MARCHF3: variants seen among roughly 807,000 people sequenced by gnomAD.
The protein encoded by MARCHF3 is E3 ubiquitin-protein ligase MARCHF3.
In MARCHF3, 13 loss-of-function variants were observed where a neutral mutation model predicts 24.2. The observed-to-expected ratio is 0.54, with a 90% confidence interval of 0.35 to 0.85. The LOEUF (loss-of-function observed/expected upper bound fraction) is 0.85. Among genes scored for constraint, MARCHF3 ranks in the 40% least tolerant of loss-of-function variants. The pLI is 0.01. For missense variants in MARCHF3, 276 were observed against 325.0 expected (o/e 0.85, Z 1.16); for synonymous variants, 144 against 137.3 (o/e 1.05, Z -0.34).
intron 4 of MARCHF3, among the ~76,000 whole-genome samples, chr5:126,872,276 T>A (rs1318556627): frequency 6.6e-6 from 1 of 151,706 alleles, no homozygotes; most frequent in Non-Finnish European, 1.5e-5. Context: ...GTCAGGCTGG[T>A]CTCGAACTCC....
intron 1 of MARCHF3, among the ~76,000 whole-genome samples, chr5:127,023,629 G>A (rs1217452990): frequency 1.3e-5 from 2 of 151,934 alleles, no homozygotes; most frequent in Non-Finnish European, 2.9e-5. Context: ...CTACTCGGAA[G>A]GCTGAGGCAG....
Position 126,915,022 on chromosome 5 carries a change from G to T in MARCHF3, c.301C>A (p.Leu101Met), listed in dbSNP as rs1367591951. ...TTTGAGGATGACAGCCAGTGCTCCAGGCAGCTCCGATGAATTGTCCCCAAG... is the reference window on the plus strand; with the variant it reads ...TTTGAGGATGACAGCCAGTGCTCCATGCAGCTCCGATGAATTGTCCCCAAG... ...GTLGTIHRSC[L>M]EHWLSSSNTS... Residue 101 changes from leucine (L) to methionine (M), a missense_variant, in exon 3 of 5, where the codon CTG becomes ATG. Physicochemically the swap from Leu to Met is conservative, Grantham distance 15. Coordinates refer to ENST00000308660, the MANE Select transcript of MARCHF3 (RefSeq NM_178450.5). 1 of 1,614,168 alleles carries T rather than the reference G, an allele frequency of 6.2e-7. No individual in the cohort carries two copies. Among genetic ancestry groups the T allele is most frequent in the Admixed American group, 1.7e-5 (1 of 60,030 alleles).
chr5:126,961,942 A>G (rs547687903), intron 1 of MARCHF3, among the ~76,000 whole-genome samples: 53 of 152,292 alleles, frequency 3.5e-4, no homozygotes, highest in African/African-American at 1.2e-3. Context: ...AACCCCAGTG[A>G]TACCACTACA....
chr5:127,011,912 G>A (rs1752486676), intron 1 of MARCHF3, among the ~76,000 whole-genome samples: 1 of 152,204 alleles, frequency 6.6e-6, no homozygotes, highest in African/African-American at 2.4e-5. Flanking sequence ...CTAACTGGGA[G>A]AGTGAGTTAT....
intron 1 of MARCHF3, among the ~76,000 whole-genome samples, chr5:126,942,513 G>A (rs1158197147): frequency 6.6e-6 from 1 of 151,896 alleles, no homozygotes; most frequent in Non-Finnish European, 1.5e-5. Context: ...CCCTACAGGA[G>A]TTGACCATCT....
At chr5:127,018,088 A>G (rs75654770) in intron 1 of MARCHF3, among the ~76,000 whole-genome samples, 4,743 of 152,318 alleles carry the variant, frequency 0.031, 233 homozygotes, top group African/African-American at 0.1. Flanking sequence ...TAAGATTGTG[A>G]AGCCACGTGC....
At position 126,869,925 on chromosome 5, in the gene MARCHF3, G is replaced by A. The variant is rs1008384194; in HGVS notation, c.*708C>T. 1 of 152,224 alleles carries A rather than the reference G, an allele frequency of 6.6e-6. No homozygotes were observed. Among genetic ancestry groups the A allele is most frequent in the Non-Finnish European group, 1.5e-5 (1 of 68,008 alleles). 9.4% of individuals were successfully genotyped at this position (152,224 alleles called of 1,614,324 possible). A position where few individuals can be genotyped will look rare whatever the true frequency, so the allele number is the denominator to read the frequency against. The stretch of plus-strand genomic sequence containing the variant: ...TCTATCAGCTGTCAGTACCAAACAA[G>A]TTGAAAGGAGCGAGCTTCTCACCAT... On this transcript the variant is annotated 3_prime_UTR_variant, in exon 5 of 5. Coordinates refer to ENST00000308660, the MANE Select transcript of MARCHF3 (RefSeq NM_178450.5).
At chr5:126,893,596 G>A (rs1390924769) in intron 3 of MARCHF3, among the ~76,000 whole-genome samples, 16 of 150,974 alleles carry the variant, frequency 1.1e-4, no homozygotes, top group African/African-American at 2.4e-4. Context: ...GTAGTTGAGC[G>A]GTTTTGAGTG....
intron 1 of MARCHF3, among the ~76,000 whole-genome samples, chr5:126,935,874 G>T (rs1045580319): frequency 1.3e-5 from 2 of 151,982 alleles, no homozygotes; most frequent in African/African-American, 4.8e-5. Flanking sequence ...GCCTCCCAAA[G>T]TGCTGGGATT....
chr5:126,909,080 G>A (rs1232076466), intron 3 of MARCHF3, among the ~76,000 whole-genome samples: 7 of 152,304 alleles, frequency 4.6e-5, no homozygotes, highest in South Asian at 2.1e-4. Context: ...GTACCCGGCC[G>A]TGTGAGGTGT....
At chr5:127,010,790 A>G (rs1752446500) in intron 1 of MARCHF3, among the ~76,000 whole-genome samples, 1 of 152,186 alleles carries the variant, frequency 6.6e-6, no homozygotes, top group African/African-American at 2.4e-5. Context: ...AGGACATTAT[A>G]CCAACTGTAA....
At chr5:126,933,447 T>C (rs1033852354) in intron 1 of MARCHF3, among the ~76,000 whole-genome samples, 2 of 145,888 alleles carry the variant, frequency 1.4e-5, no homozygotes, top group Admixed American at 1.4e-4. Context: ...TGGTATCTCT[T>C]TTTTTTTTTT....
rs757479478 is a variant in MARCHF3 at position 126,992,766 on chromosome 5, A to ATTTTT, written c.-57+37579_-57+37583dup. On this transcript the variant is annotated intron_variant, in intron 1 of 4. Transcript: ENST00000308660. ...TCTTCCTCTTTTTGACATCCACGTG[A>ATTTTT]TTTTTTTTTTTTTTTTTTTTTTTGA... Among the ~76,000 whole-genome samples, 902 of 95,482 alleles carry ATTTTT rather than the reference A, an allele frequency of 9.4e-3. 48 individuals carry two copies. Among genetic ancestry groups the ATTTTT allele is most frequent in the South Asian group, 0.073 (182 of 2,508 alleles). 62.6% of individuals were successfully genotyped at this position (95,482 alleles called of 152,430 possible). A position where few individuals can be genotyped will look rare whatever the true frequency, so the allele number is the denominator to read the frequency against.
At chr5:126,887,151 C>T (rs1480120624) in intron 3 of MARCHF3, among the ~76,000 whole-genome samples, 1 of 152,216 alleles carries the variant, frequency 6.6e-6, no homozygotes, top group Non-Finnish European at 1.5e-5. Flanking sequence ...CACCCTTAGC[C>T]TAACACCTTA....
chr5:126,904,125 C>T (rs959203691), intron 3 of MARCHF3, among the ~76,000 whole-genome samples: 48 of 150,240 alleles, frequency 3.2e-4, no homozygotes, highest in African/African-American at 1.1e-3. Flanking sequence ...CATCCACGTC[C>T]CTACAAAGGA....
chr5:126,973,592 G>A lies in MARCHF3; in HGVS notation c.-56-55365C>T, dbSNP rs1751092631. ...GCAGAGGGTGGCAGAGAGAATTTGG[G>A]GGCAATGATCCTCAACTCTCACATT... On this transcript the variant is annotated intron_variant, in intron 1 of 4. Transcript: ENST00000308660. 2.6e-5 allele frequency among the ~76,000 whole-genome samples: 4 copies of A among 152,130 alleles called. 1 individual carries two copies. In the South Asian group the frequency reaches 8.3e-4, roughly 31 times the overall value.
At chr5:126,962,428 ATGTG>A (rs1172195807) in intron 1 of MARCHF3, among the ~76,000 whole-genome samples, 1 of 148,410 alleles carries the variant, frequency 6.7e-6, no homozygotes, top group Non-Finnish European at 1.5e-5. Flanking sequence ...GTGTGTGTGT[ATGTG>A]TGTGTGTTTA....
rs183556329 is a variant in MARCHF3, at chr5:126,935,713, C to A, written c.-56-17486G>T. On this transcript the variant is annotated intron_variant, in intron 1 of 4. Coordinates refer to ENST00000308660, the MANE Select transcript of MARCHF3 (RefSeq NM_178450.5). ...GCAATCTCCTTCTCCTGGGTTCAAG[C>A]GATTCTCCTGCCTCAGTCTCCCAAG... Among the ~76,000 whole-genome samples the A allele has an allele frequency of 1.2e-3, 169 of 140,074 alleles. 1 individual carries two copies. Among genetic ancestry groups the A allele is most frequent in the Admixed American group, 4.3e-3 (54 of 12,448 alleles). 91.9% of individuals were successfully genotyped at this position (140,074 alleles called of 152,430 possible).
At chr5:126,995,037 C>T (rs1431729769) in intron 1 of MARCHF3, among the ~76,000 whole-genome samples, 1 of 152,212 alleles carries the variant, frequency 6.6e-6, no homozygotes, top group Non-Finnish European at 1.5e-5. Context: ...GCACTGGCAG[C>T]TGATTAGATG....
Sources: gnomAD v4.1 joint callset for allele counts (sites outside exome capture counted in the v4.1 genomes callset) on GRCh38, gnomAD v4.1.1 for gene constraint, MANE v1.5 for transcripts, NCBI Gene and HGNC (gene_info 2026-07-23, HGNC 2026-07-21) for gene names.